SRC: variants seen among roughly 807,000 people sequenced by gnomAD.
SRC encodes proto-oncogene tyrosine-protein kinase Src.
Under a neutral mutation model 62.9 loss-of-function variants are expected in SRC, and 13 were observed. The observed-to-expected ratio is 0.21, with a 90% CI of 0.13 to 0.33. The LOEUF (loss-of-function observed/expected upper bound fraction) is 0.33. Ranked by LOEUF, SRC falls within the 10% of genes least tolerant of loss-of-function variation. The pLI, the probability that SRC is intolerant of heterozygous loss-of-function variation, is 1.00. For missense variants in SRC, 457 were observed against 737.3 expected (o/e 0.62, Z 4.40); for synonymous variants, 302 against 317.5 (o/e 0.95, Z 0.52).
intron 1 of SRC, among the ~76,000 whole-genome samples, chr20:37,350,173 A>G (rs939124098): frequency 3.9e-5 from 6 of 152,166 alleles, no homozygotes; most frequent in African/African-American, 1.4e-4. Flanking sequence ...CTCCGTGGGA[A>G]ACCCCTCTGG....
intron 5 of SRC, among the ~76,000 whole-genome samples, chr20:37,388,774 T>G (rs2070495080): frequency 7.8e-6 from 1 of 128,036 alleles, no homozygotes; most frequent in Admixed American, 8.0e-5. Flanking sequence ...GAGGGAGGTG[T>G]AGGTGGGGGG....
In SRC at chr20:37,403,429, G is replaced by T. The variant is rs2070774584; in HGVS notation, c.*50G>T. The T allele has an allele frequency of 2.6e-6, 4 of 1,518,638 alleles. No homozygotes were observed. The East Asian group carries it at 9.8e-5, about 37-fold the overall frequency. 94.1% of individuals were successfully genotyped at this position (1,518,638 alleles called of 1,614,324 possible). On this transcript the variant is annotated 3_prime_UTR_variant, in exon 14 of 14. Transcript: ENST00000373578. The surrounding 1 kb of genome is among the most constrained non-coding windows in gnomAD (Gnocchi z 7.1). ...CTCGGCTTGGATCCTGGGCTGGGTGGCCCCTGTCTCGGGGCTTGCCCCACT... is the reference window on the plus strand; with the variant it reads ...CTCGGCTTGGATCCTGGGCTGGGTGTCCCCTGTCTCGGGGCTTGCCCCACT...
intron 1 of SRC, among the ~76,000 whole-genome samples, chr20:37,356,728 G>A (rs1304041174): frequency 6.6e-6 from 1 of 152,158 alleles, no homozygotes; most frequent in Non-Finnish European, 1.5e-5. Flanking sequence ...AAAGCTCCCC[G>A]ACGTGGGTGA....
At position 37,404,381 on chromosome 20, in the gene SRC, C is replaced by T. The variant is rs891846319; in HGVS notation, c.*1002C>T. 7 of 233,414 alleles carry T rather than the reference C, an allele frequency of 3.0e-5. No homozygotes were observed. The highest frequency in any genetic ancestry group is 6.0e-5 in the East Asian group (1 of 16,596). The allele number at this position is 233,414 out of a possible 1,614,324, so 14.5% of individuals were successfully genotyped here. On this transcript the variant is annotated 3_prime_UTR_variant, in exon 14 of 14. Transcript: ENST00000373578. Reference sequence around the variant, plus strand: ...GTGATGTTTGACCTTCAGAGCCAGCCGGCTATGAAAGGGAGCGAGCCCCTC... The same window carrying T: ...GTGATGTTTGACCTTCAGAGCCAGCTGGCTATGAAAGGGAGCGAGCCCCTC...
chr20:37,402,978 G>C lies in SRC; in HGVS notation c.1402+98G>C. The C allele has an allele frequency of 1.4e-6, 2 of 1,476,486 alleles. No homozygotes were observed. The highest frequency in any genetic ancestry group is 2.6e-5 in the South Asian group (2 of 75,734). 91.5% of individuals were successfully genotyped at this position (1,476,486 alleles called of 1,614,324 possible). ...TCCTGCTGGGCCTGTTTCCCCACCC[G>C]TAAAACAAAGAAGTTGAGCGTCTGA... On this transcript the variant is annotated intron_variant, in intron 13 of 13. Transcript: ENST00000373578. This position sits in a 1 kb window ranked among gnomAD's most constrained non-coding sequence, Gnocchi z 6.2.
At chr20:37,382,454 T>G (rs911496) in intron 2 of SRC, 165 bp from the exon 3 acceptor site, 31,468 of 151,922 alleles carry the variant, frequency 0.21, 3,847 homozygotes, top group African/African-American at 0.35. Context: ...TGAAAAGACT[T>G]TGGGAGGGTT....
chr20:37,374,330 G>T (rs1466264120), intron 2 of SRC, among the ~76,000 whole-genome samples: 1 of 151,772 alleles, frequency 6.6e-6, no homozygotes, highest in Non-Finnish European at 1.5e-5. Context: ...TCCCCACCTC[G>T]GCCTTCCAAA....
At chr20:37,348,607 A>G (rs1183245169) in intron 1 of SRC, among the ~76,000 whole-genome samples, 1 of 151,926 alleles carries the variant, frequency 6.6e-6, no homozygotes, top group Non-Finnish European at 1.5e-5. Flanking sequence ...AAAGAAGGGG[A>G]GAGGGAGCTC....
chr20:37,389,163 G>T (rs918717255), intron 5 of SRC, among the ~76,000 whole-genome samples: 4 of 152,112 alleles, frequency 2.6e-5, no homozygotes, highest in Non-Finnish European at 5.9e-5. Context: ...GGTATTCTGG[G>T]TATTGTGTGG....
chr20:37,402,980 A>T lies in SRC; in HGVS notation c.1402+100A>T, dbSNP rs2070764844. ...CTGCTGGGCCTGTTTCCCCACCCGT[A>T]AAACAAAGAAGTTGAGCGTCTGATG... On this transcript the variant is annotated intron_variant, in intron 13 of 13. Coordinates refer to ENST00000373578, the MANE Select transcript of SRC (RefSeq NM_198291.3). The surrounding 1 kb of genome is among the most constrained non-coding windows in gnomAD (Gnocchi z 6.2). 1 of 1,475,722 alleles carries T rather than the reference A, an allele frequency of 6.8e-7. No individual in the cohort carries two copies. The highest frequency in any genetic ancestry group is 1.4e-5 in the African/African-American group (1 of 70,696). 91.4% of individuals were successfully genotyped at this position (1,475,722 alleles called of 1,614,324 possible). A position where few individuals can be genotyped will look rare whatever the true frequency, so the allele number is the denominator to read the frequency against.
intron 1 of SRC, among the ~76,000 whole-genome samples, chr20:37,353,025 C>T (rs575021122): frequency 3.3e-5 from 5 of 152,298 alleles, no homozygotes; most frequent in South Asian, 2.1e-4. Context: ...CACATTCTGC[C>T]TTAGATGACA....
chr20:37,346,872 C>T (rs1215582808), intron 1 of SRC, among the ~76,000 whole-genome samples: 2 of 152,198 alleles, frequency 1.3e-5, no homozygotes, highest in Non-Finnish European at 2.9e-5. Context: ...TACCAGCCGG[C>T]TCAGAAGTTG....
At chr20:37,388,642 G>A (rs1391072131) in intron 5 of SRC, among the ~76,000 whole-genome samples, 2 of 152,238 alleles carry the variant, frequency 1.3e-5, no homozygotes, top group Non-Finnish European at 2.9e-5. Flanking sequence ...CAGCTACTCA[G>A]GAGGCTGAGG....
chr20:37,401,726 C>A (rs1439333897), intron 11 of SRC, 48 bp downstream of exon 11: 1 of 1,467,030 alleles, frequency 6.8e-7, no homozygotes, highest in Non-Finnish European at 9.4e-7. Flanking sequence ...CTCAAGCACC[C>A]AGACCCATCT....
rs1212261572 is a variant in SRC, at chr20:37,346,270, C to T, written c.-247+15C>T. The T allele has an allele frequency of 6.7e-6, 1 of 148,760 alleles. No individual in the cohort carries two copies. Among genetic ancestry groups the T allele is most frequent in the Non-Finnish European group, 1.5e-5 (1 of 66,690 alleles). The allele number at this position is 148,760 out of a possible 1,614,324, so 9.2% of individuals were successfully genotyped here. On this transcript the variant is annotated intron_variant, in intron 1 of 13. Coordinates refer to ENST00000373578, the MANE Select transcript of SRC (RefSeq NM_198291.3). ...CGCCGGCCCAGGTGAGCGCCCCCCG[C>T]CCCTCCGCGGACCCCCCGCCCCGGC...
At chr20:37,373,230 A>G (rs947373335) in intron 2 of SRC, among the ~76,000 whole-genome samples, 7 of 146,272 alleles carry the variant, frequency 4.8e-5, no homozygotes, top group African/African-American at 1.3e-4. Flanking sequence ...ATACGTACAC[A>G]CATGCACATA....
chr20:37,388,453 T>C (rs75376841), intron 5 of SRC, among the ~76,000 whole-genome samples: 2,454 of 152,258 alleles, frequency 0.016, 44 homozygotes, highest in African/African-American at 0.036. Context: ...CGCTTAGACG[T>C]CAGAGATGGT....
At chr20:37,378,591 C>T (rs939203293) in intron 2 of SRC, among the ~76,000 whole-genome samples, 2 of 152,200 alleles carry the variant, frequency 1.3e-5, no homozygotes, top group Non-Finnish European at 2.9e-5. Flanking sequence ...AGGCCACTCT[C>T]AGCTCTCATT....
chr20:37,396,046 G>A lies in SRC; in HGVS notation c.554-116G>A. 6.8e-7 allele frequency: 1 copy of A among 1,470,450 alleles called. No individual in the cohort carries two copies. Among genetic ancestry groups the A allele is most frequent in the Admixed American group, 2.0e-5 (1 of 49,820 alleles). 91.1% of individuals were successfully genotyped at this position (1,470,450 alleles called of 1,614,324 possible). A position where few individuals can be genotyped will look rare whatever the true frequency, so the allele number is the denominator to read the frequency against. On this transcript the variant is annotated intron_variant, in intron 7 of 13. Coordinates refer to ENST00000373578, the MANE Select transcript of SRC (RefSeq NM_198291.3). This position sits in a 1 kb window ranked among gnomAD's most constrained non-coding sequence, Gnocchi z 6.1. ...CTGTTGAGAGACAGGGTGGGCCTGG[G>A]GCCCCGCCTGGGCCTCCCTTCCCTC...
Sources: gnomAD v4.1 joint callset for allele counts (sites outside exome capture counted in the v4.1 genomes callset) on GRCh38, gnomAD v4.1.1 for gene constraint, Gnocchi (gnomAD v3.1) non-coding constraint, MANE v1.5 for transcripts, NCBI Gene and HGNC (gene_info 2026-07-23, HGNC 2026-07-21) for gene names.